Variants in NLGN4X observed in about 807,000 individuals in gnomAD.
The protein encoded by NLGN4X is neuroligin 4 X-linked.
In NLGN4X, 3 loss-of-function variants were observed where a neutral mutation model predicts 40.3. The observed-to-expected ratio is 0.07, with a 90% confidence interval of 0.03 to 0.19. The LOEUF is 0.19. Ranked by LOEUF, NLGN4X falls within the 10% of genes least tolerant of loss-of-function variation. The pLI is 1.00. For missense variants in NLGN4X, 382 were observed against 708.3 expected, an observed-to-expected ratio of 0.54 and a Z score of 5.23; for synonymous variants, 270 against 306.8, an observed-to-expected ratio of 0.88 and a Z score of 1.25.
chrX:6,121,899 C>T (rs752739910), intron 2 of NLGN4X, among the ~76,000 whole-genome samples: 15 of 112,399 alleles, frequency 1.3e-4, no homozygotes, highest in South Asian at 1.1e-3. Flanking sequence ...TTCTCATCTT[C>T]GTTATTCCGA....
At chrX:6,219,496 A>G (rs914048927) in intron 1 of NLGN4X, among the ~76,000 whole-genome samples, 2 of 89,637 alleles carry the variant, frequency 2.2e-5, no homozygotes, top group African/African-American at 4.4e-5. Flanking sequence ...CCTTCGATCT[A>G]TCATCCTTCT....
At chrX:5,979,829 TATAC>T (rs1486526581) in intron 3 of NLGN4X, among the ~76,000 whole-genome samples, 52 of 105,833 alleles carry the variant, frequency 4.9e-4, no homozygotes, top group Middle Eastern at 6.0e-3. Flanking sequence ...TATACACACA[TATAC>T]ACACATCTAT....
At chrX:6,068,414 A>G (rs1473128638) in intron 2 of NLGN4X, among the ~76,000 whole-genome samples, 1 of 110,945 alleles carries the variant, frequency 9.0e-6, no homozygotes, top group Non-Finnish European at 1.9e-5. Flanking sequence ...CCTTCTACAG[A>G]GAAAAGCTTT....
intron 1 of NLGN4X, among the ~76,000 whole-genome samples, chrX:6,184,365 T>TA (rs1288868327): frequency 1.8e-5 from 2 of 112,045 alleles, no homozygotes; most frequent in Non-Finnish European, 3.8e-5. Flanking sequence ...CAATTACCAT[T>TA]AAAAGGACAA....
chrX:6,150,650 T>C (rs2147699180), intron 2 of NLGN4X, among the ~76,000 whole-genome samples: 1 of 112,461 alleles, frequency 8.9e-6, no homozygotes, highest in Admixed American at 9.5e-5. Flanking sequence ...ATTATTTTTC[T>C]ATAGATTCAT....
At chrX:6,047,368 T>C (rs889069010) in intron 2 of NLGN4X, among the ~76,000 whole-genome samples, 1 of 111,363 alleles carries the variant, frequency 9.0e-6, no homozygotes, top group Non-Finnish European at 1.9e-5. Context: ...TCCCAGCTAC[T>C]TGGGGGCGCT....
intron 2 of NLGN4X, among the ~76,000 whole-genome samples, chrX:6,123,314 C>T (rs1387625614): frequency 9.0e-6 from 1 of 111,707 alleles, no homozygotes; most frequent in Non-Finnish European, 1.9e-5. Context: ...AGTGGCTTCT[C>T]ACCCCCAGCA....
rs1315954914 is a variant in NLGN4X at position 6,228,857 on chromosome X, G to C, written c.-622C>G. ...TGCTAAGAGACAGAGAAGGGAGAGA[G>C]ACGGTTCTGCAAGAAAAAGAGAGAT... On this transcript the variant is annotated 5_prime_UTR_variant, in exon 1 of 6. Coordinates refer to ENST00000381095, the MANE Select transcript of NLGN4X (RefSeq NM_181332.3). The C allele has an allele frequency of 8.9e-6, 1 of 112,274 alleles. No homozygotes were observed. Among genetic ancestry groups the C allele is most frequent in the Non-Finnish European group, 1.9e-5 (1 of 53,313 alleles). The allele number at this position is 112,274 out of a possible 1,213,427, so 9.3% of individuals were successfully genotyped here. A position where few individuals can be genotyped will look rare whatever the true frequency, so the allele number is the denominator to read the frequency against.
At chrX:6,018,141 C>A (rs1164295364) in intron 3 of NLGN4X, among the ~76,000 whole-genome samples, 2 of 108,071 alleles carry the variant, frequency 1.9e-5, no homozygotes, top group African/African-American at 7.3e-5. Flanking sequence ...TATATGTATA[C>A]ACACATATGT....
intron 2 of NLGN4X, among the ~76,000 whole-genome samples, chrX:6,138,383 T>C (rs1431303997): frequency 9.0e-6 from 1 of 111,570 alleles, no homozygotes; most frequent in East Asian, 2.8e-4. Flanking sequence ...AAGCTATGTA[T>C]TAGGAGAGAA....
intron 3 of NLGN4X, among the ~76,000 whole-genome samples, chrX:6,003,799 G>A (rs2036032358): frequency 8.9e-6 from 1 of 112,292 alleles, no homozygotes; most frequent in African/African-American, 3.2e-5. Flanking sequence ...TACGGTCTCT[G>A]CGGATGGCAA....
chrX:6,101,246 G>A (rs2038902095), intron 2 of NLGN4X, among the ~76,000 whole-genome samples: 1 of 111,678 alleles, frequency 9.0e-6, no homozygotes, highest in African/African-American at 3.3e-5. Flanking sequence ...CAGATGGATG[G>A]ACAGATAGAT....
In NLGN4X at chrX:6,084,968, C is replaced by T. The variant is rs755998816; in HGVS notation, c.473-55536G>A. Among the ~76,000 whole-genome samples the T allele has an allele frequency of 1.4e-4, 15 of 110,306 alleles. No individual in the cohort carries two copies. The East Asian group carries it at 4.3e-3, about 32-fold the overall frequency. On this transcript the variant is annotated intron_variant, in intron 2 of 5. Coordinates refer to ENST00000381095, the MANE Select transcript of NLGN4X (RefSeq NM_181332.3). ...AGATTACAAGCCAACAGTAAGATCT[C>T]AAGTGTTTCTGGAAACCACACACTA...
At chrX:6,153,026 G>C (rs1336166326) in intron 1 of NLGN4X, among the ~76,000 whole-genome samples, 1 of 112,687 alleles carries the variant, frequency 8.9e-6, no homozygotes, top group Non-Finnish European at 1.9e-5. Context: ...GTTGTTAAAT[G>C]ATCCCCTAGG....
chrX:6,173,539 T>C (rs1352461097), intron 1 of NLGN4X, among the ~76,000 whole-genome samples: 2 of 111,104 alleles, frequency 1.8e-5, no homozygotes, highest in Non-Finnish European at 3.8e-5. Flanking sequence ...TTTTTGACTG[T>C]AGGTCCTAAG....
At chrX:6,158,384 C>A (rs1286649706) in intron 1 of NLGN4X, among the ~76,000 whole-genome samples, 4 of 112,013 alleles carry the variant, frequency 3.6e-5, no homozygotes, top group Non-Finnish European at 7.5e-5. Context: ...ATTCAGCCTA[C>A]ACTCAAAGCC....
At chrX:5,975,528 G>A (rs762040700) in intron 3 of NLGN4X, among the ~76,000 whole-genome samples, 1 of 106,521 alleles carries the variant, frequency 9.4e-6, no homozygotes, top group Non-Finnish European at 1.9e-5. Flanking sequence ...CAGGAGAATT[G>A]CTTGAACCCG....
At chrX:6,150,811 A>G (rs754359447) in intron 2 of NLGN4X, among the ~76,000 whole-genome samples, 184 bp downstream of exon 2, 9 of 112,398 alleles carry the variant, frequency 8.0e-5, no homozygotes, top group Non-Finnish European at 1.7e-4. Flanking sequence ...AGATGGCCCA[A>G]TACATACAAG....
chrX:6,201,959 G>A (rs1003229594), intron 1 of NLGN4X, among the ~76,000 whole-genome samples: 45 of 111,539 alleles, frequency 4.0e-4, no homozygotes, highest in African/African-American at 1.5e-3. Flanking sequence ...GGAGTGATTC[G>A]AGGATGGAAT....
Sources: allele counts gnomAD v4.1 joint callset (sites outside exome capture counted in the v4.1 genomes callset), GRCh38; gene constraint gnomAD v4.1.1; transcripts MANE v1.5; gene names NCBI Gene and HGNC (gene_info 2026-07-23, HGNC 2026-07-21).